Variants in AUTS2 observed in about 807,000 individuals in gnomAD.
The protein encoded by AUTS2 is activator of transcription and developmental regulator AUTS2, also known as autism susceptibility gene 2 protein.
Under a neutral mutation model 112.4 loss-of-function variants are expected in AUTS2, and 17 were observed. The observed-to-expected ratio is 0.15, with a 90% CI of 0.10 to 0.23. The LOEUF is 0.23. AUTS2 is among the 10% of genes least tolerant of loss of function. AUTS2 has a pLI of 1.00. For synonymous variants in AUTS2, 751 were observed against 702.7 expected (o/e 1.07, Z -1.09); for missense variants, 1,510 against 1,701.6 (o/e 0.89, Z 1.98).
intron 5 of AUTS2, among the ~76,000 whole-genome samples, chr7:70,554,393 CTTTTTTTTT>C (rs34757734): frequency 4.3e-5 from 5 of 116,056 alleles, no homozygotes; most frequent in African/African-American, 1.0e-4. Flanking sequence ...TCTTTTCTTT[CTTTTTTTTT>C]TTTTTTTTTT....
At chr7:70,001,043 A>T (rs991551443) in intron 2 of AUTS2, among the ~76,000 whole-genome samples, 1 of 152,196 alleles carries the variant, frequency 6.6e-6, no homozygotes, top group Non-Finnish European at 1.5e-5. Flanking sequence ...AGTCTTGTCT[A>T]TTGGTGGCTG....
In AUTS2 at chr7:69,598,633, AGCGGCGGCG is replaced by A. The variant is rs572172462; in HGVS notation, c.-1009_-1001del. 33 of 148,804 alleles carry A rather than the reference AGCGGCGGCG, an allele frequency of 2.2e-4. No homozygotes were observed. The highest frequency in any genetic ancestry group is 1.6e-3 in the East Asian group (7 of 4,424). 9.2% of individuals were successfully genotyped at this position (148,804 alleles called of 1,614,324 possible). The stretch of plus-strand genomic sequence containing the variant: ...CTCCCTCAGGCGGGGCGGCGAGAGA[AGCGGCGGCG>A]GCGGCGGCGGCACACCGGTGTCTCT... On this transcript the variant is annotated 5_prime_UTR_variant, in exon 1 of 19. Transcript: ENST00000342771.
chr7:69,950,593 C>T (rs1796985942), intron 2 of AUTS2, among the ~76,000 whole-genome samples: 2 of 152,060 alleles, frequency 1.3e-5, no homozygotes, highest in African/African-American at 4.8e-5. Flanking sequence ...AACTTTTATT[C>T]TAATTTCATT....
At chr7:70,670,462 G>A (rs1807577101) in intron 5 of AUTS2, among the ~76,000 whole-genome samples, 2 of 152,202 alleles carry the variant, frequency 1.3e-5, no homozygotes, top group African/African-American at 2.4e-5. Context: ...ATTACAGAGT[G>A]AGGAAAGGAA....
intron 2 of AUTS2, among the ~76,000 whole-genome samples, chr7:69,964,893 C>T (rs1407025321): frequency 6.6e-6 from 1 of 151,990 alleles, no homozygotes. Flanking sequence ...CCATGAGCTC[C>T]TCTGGCCTCA....
At chr7:70,065,493 A>C (rs984418376) in intron 2 of AUTS2, among the ~76,000 whole-genome samples, 4 of 152,250 alleles carry the variant, frequency 2.6e-5, no homozygotes, top group Non-Finnish European at 4.4e-5. Flanking sequence ...CAGGAGTTCA[A>C]GACCAGCCCG....
intron 1 of AUTS2, among the ~76,000 whole-genome samples, chr7:69,792,151 A>C (rs1789631863): frequency 6.6e-6 from 1 of 152,134 alleles, no homozygotes; most frequent in South Asian, 2.1e-4. Context: ...TGAAATGAAC[A>C]TAGAAGGAAG....
intron 1 of AUTS2, among the ~76,000 whole-genome samples, chr7:69,731,385 G>A (rs759290597): frequency 1.5e-4 from 23 of 152,240 alleles, no homozygotes; most frequent in East Asian, 1.9e-4. Context: ...GTGATTTGGG[G>A]TGAGTAATTT....
chr7:70,786,265 C>T (rs1169509205), intron 17 of AUTS2, among the ~76,000 whole-genome samples: 2 of 152,178 alleles, frequency 1.3e-5, no homozygotes. Context: ...GCAGGAACGG[C>T]AGTGTAGTTG....
At chr7:69,600,215 C>A (rs568601129) in intron 1 of AUTS2, among the ~76,000 whole-genome samples, 1 of 152,050 alleles carries the variant, frequency 6.6e-6, no homozygotes, top group Admixed American at 6.5e-5. Flanking sequence ...TCCCTGCACC[C>A]CCTCCACAGC....
intron 2 of AUTS2, among the ~76,000 whole-genome samples, chr7:70,054,454 G>A (rs1563068504): frequency 6.6e-6 from 1 of 151,954 alleles, no homozygotes; most frequent in Non-Finnish European, 1.5e-5. Flanking sequence ...ATTTATTATG[G>A]TCTTTCACCT....
At chr7:69,882,567 A>T (rs150240390) in intron 1 of AUTS2, among the ~76,000 whole-genome samples, 1 of 152,266 alleles carries the variant, frequency 6.6e-6, no homozygotes, top group East Asian at 1.9e-4. Flanking sequence ...TTTCATAGCT[A>T]TGTGACCTTG....
intron 4 of AUTS2, among the ~76,000 whole-genome samples, chr7:70,224,349 CAATACAAT>C (rs1562799655): frequency 9.5e-6 from 1 of 105,350 alleles, no homozygotes. Context: ...CAATACAATA[CAATACAAT>C]ACAATACAAT....
intron 2 of AUTS2, among the ~76,000 whole-genome samples, chr7:69,917,527 G>GT (rs1335503327): frequency 6.8e-6 from 1 of 146,530 alleles, no homozygotes; most frequent in Admixed American, 6.7e-5. Context: ...GGGCCTGCTG[G>GT]TTTTTTGTTA....
At position 70,297,522 on chromosome 7, in the gene AUTS2, C is replaced by CG. The variant is rs1434040632; in HGVS notation, c.661-138227dup. Among the ~76,000 whole-genome samples the CG allele has an allele frequency of 5.3e-5, 8 of 151,654 alleles. No homozygotes were observed. The South Asian group carries it at 1.5e-3, about 28-fold the overall frequency. ...TCGGCCCACTGCAAGCTCTGCCTCC[C>CG]GGGTTCACGCCATTCTCCTGCCCCA... is the stretch of plus-strand genomic sequence containing the variant. On this transcript the variant is annotated intron_variant, in intron 4 of 18. Coordinates refer to ENST00000342771, the MANE Select transcript of AUTS2 (RefSeq NM_015570.4).
intron 2 of AUTS2, among the ~76,000 whole-genome samples, chr7:69,982,703 C>T (rs1798347218): frequency 6.6e-6 from 1 of 152,356 alleles, no homozygotes; most frequent in African/African-American, 2.4e-5. Flanking sequence ...TGTGATAAAA[C>T]AGCGGCCTGG....
chr7:70,323,382 C>T (rs764254949), intron 4 of AUTS2, among the ~76,000 whole-genome samples: 6 of 152,070 alleles, frequency 3.9e-5, no homozygotes, highest in Non-Finnish European at 7.4e-5. Context: ...GCCCAGTGTA[C>T]GCCTTGTCAC....
chr7:70,034,268 C>G (rs1800904452), intron 2 of AUTS2, among the ~76,000 whole-genome samples: 1 of 152,154 alleles, frequency 6.6e-6, no homozygotes, highest in Non-Finnish European at 1.5e-5. Context: ...GTTTATCATT[C>G]CTACTCTGTC....
At chr7:70,115,524 C>T (rs748365586) in intron 2 of AUTS2, among the ~76,000 whole-genome samples, 2 of 152,194 alleles carry the variant, frequency 1.3e-5, no homozygotes, top group African/African-American at 2.4e-5. Flanking sequence ...TCTTTGTGAA[C>T]GTACTATAGT....
Sources: gnomAD v4.1 joint callset for allele counts (sites outside exome capture counted in the v4.1 genomes callset) on GRCh38, gnomAD v4.1.1 for gene constraint, MANE v1.5 for transcripts, NCBI Gene and HGNC (gene_info 2026-07-23, HGNC 2026-07-21) for gene names.